CDH13: variants seen among roughly 807,000 people sequenced by gnomAD.
CDH13 encodes the protein cadherin-13.
CDH13 carries 24 observed loss-of-function variants against 63.8 expected under a neutral mutation model. The observed-to-expected ratio is 0.38, with a 90% CI of 0.27 to 0.53. The LOEUF is 0.53. Ranked by LOEUF, CDH13 falls within the 20% of genes least tolerant of loss-of-function variation. The pLI is 0.85. For missense variants in CDH13, 1,049 were observed against 903.1 expected (o/e 1.16, Z -2.07); for synonymous variants, 503 against 355.3 (o/e 1.42, Z -4.67).
intron 5 of CDH13, among the ~76,000 whole-genome samples, chr16:83,328,894 A>G (rs1157439257): frequency 1.3e-5 from 2 of 152,228 alleles, no homozygotes; most frequent in Admixed American, 6.5e-5. Context: ...ACTAGCAGGG[A>G]TAAAAGGAAG....
intron 1 of CDH13, among the ~76,000 whole-genome samples, chr16:82,842,320 C>A (rs771599844): frequency 9.9e-5 from 15 of 151,390 alleles, no homozygotes; most frequent in Non-Finnish European, 1.8e-4. Flanking sequence ...TGAGTAGTAA[C>A]CAGTAGCTGC....
chr16:83,027,754 C>T (rs1009970085), intron 2 of CDH13, among the ~76,000 whole-genome samples: 1 of 152,176 alleles, frequency 6.6e-6, no homozygotes, highest in African/African-American at 2.4e-5. Flanking sequence ...ATTCTAACTT[C>T]CTTCAATTCT....
chr16:83,012,871 A>G (rs74030356), intron 2 of CDH13, among the ~76,000 whole-genome samples: 4,738 of 152,328 alleles, frequency 0.031, 243 homozygotes, highest in African/African-American at 0.11. Context: ...AATGGAAAAT[A>G]TCTCCCAGCA....
intron 7 of CDH13, among the ~76,000 whole-genome samples, chr16:83,550,165 G>A (rs766880619): frequency 1.3e-5 from 2 of 152,230 alleles, no homozygotes; most frequent in Non-Finnish European, 2.9e-5. Context: ...CAACGTGGCT[G>A]TGTGCATTGG....
At chr16:83,657,934 C>G in intron 8 of CDH13, among the ~76,000 whole-genome samples, 1 of 148,902 alleles carries the variant, frequency 6.7e-6, no homozygotes, top group African/African-American at 2.6e-5. Context: ...CATGTCCCCA[C>G]CACCAGGTCC....
intron 2 of CDH13, among the ~76,000 whole-genome samples, chr16:82,975,041 C>G (rs548517441): frequency 3.9e-5 from 6 of 152,204 alleles, no homozygotes; most frequent in Non-Finnish European, 8.8e-5. Flanking sequence ...CTCACGTCTG[C>G]ACACCCTCGG....
chr16:83,416,963 T>G (rs1218634212), intron 6 of CDH13, among the ~76,000 whole-genome samples: 2 of 152,224 alleles, frequency 1.3e-5, no homozygotes, highest in Non-Finnish European at 2.9e-5. Context: ...TGTTTAGCTA[T>G]CAGCCATAAT....
chr16:82,723,350 G>T (rs1042877215), intron 1 of CDH13, among the ~76,000 whole-genome samples: 1 of 152,076 alleles, frequency 6.6e-6, no homozygotes, highest in Non-Finnish European at 1.5e-5. Context: ...GAACCTTTTT[G>T]TGGGGACTGG....
chr16:83,263,415 C>A (rs1323853499), intron 5 of CDH13, among the ~76,000 whole-genome samples: 1 of 152,066 alleles, frequency 6.6e-6, no homozygotes, highest in African/African-American at 2.4e-5. Context: ...AGGAAATATC[C>A]ATTTCCTCCT....
chr16:82,816,929 G>C (rs1341609705), intron 1 of CDH13, among the ~76,000 whole-genome samples: 1 of 151,904 alleles, frequency 6.6e-6, no homozygotes, highest in South Asian at 2.1e-4. Context: ...GGACATTCAG[G>C]AGCGGACAGA....
chr16:83,345,556 T>C (rs111981472), intron 6 of CDH13, among the ~76,000 whole-genome samples: 121 of 152,354 alleles, frequency 7.9e-4, no homozygotes, highest in African/African-American at 2.8e-3. Context: ...CCTACTGTTA[T>C]AGAAGTCACT....
intron 1 of CDH13, among the ~76,000 whole-genome samples, chr16:82,852,570 G>A (rs2039536476): frequency 6.6e-6 from 1 of 152,138 alleles, no homozygotes; most frequent in Non-Finnish European, 1.5e-5. Context: ...GTCTAAAATT[G>A]TAATGGAGCA....
intron 1 of CDH13, among the ~76,000 whole-genome samples, chr16:82,789,581 C>G (rs556337796): frequency 9.8e-4 from 150 of 152,286 alleles, no homozygotes; most frequent in African/African-American, 3.3e-3. Flanking sequence ...CTGGGCTGCA[C>G]AAGGATAGAA....
chr16:83,728,362 T>TG (rs10527403), intron 10 of CDH13, among the ~76,000 whole-genome samples: 2 of 147,666 alleles, frequency 1.4e-5, no homozygotes, highest in Admixed American at 6.8e-5. Flanking sequence ...TGTGTGTGTG[T>TG]TGTGAAGATA....
chr16:83,272,218 ATAAAAT>A (rs1361832506), intron 5 of CDH13, among the ~76,000 whole-genome samples: 5 of 152,216 alleles, frequency 3.3e-5, no homozygotes, highest in Admixed American at 6.5e-5. Flanking sequence ...GAGATGGATG[ATAAAAT>A]TAAAAATTGT....
At position 83,032,215 on chromosome 16, in the gene CDH13, G is replaced by A. The variant is rs748842714; in HGVS notation, c.363G>A (p.Leu121=). 1 of 1,612,708 alleles carries A rather than the reference G, an allele frequency of 6.2e-7. No individual in the cohort carries two copies. The highest frequency in any genetic ancestry group is 8.5e-7 in the Non-Finnish European group (1 of 1,178,994). The change falls in exon 3 of 14, where the codon TTG becomes TTA. Residue 121 remains leucine, a synonymous_variant. Coordinates refer to ENST00000567109, the MANE Select transcript of CDH13 (RefSeq NM_001257.5). ...GGGGGAAAGACATCCAGGGCTCCTTGCAGGTAACACATCTGTTTGAGATAA... is the reference window on the plus strand; with the variant it reads ...GGGGGAAAGACATCCAGGGCTCCTTACAGGTAACACATCTGTTTGAGATAA... ...IVGGKDIQGS[L]QDIFKFARTS...
At chr16:82,938,242 A>G (rs1221463012) in intron 2 of CDH13, among the ~76,000 whole-genome samples, 4 of 152,230 alleles carry the variant, frequency 2.6e-5, no homozygotes, top group Admixed American at 6.5e-5. Context: ...GCCTGGTTAC[A>G]TTGTATATCT....
At chr16:83,279,822 A>T (rs551105850) in intron 5 of CDH13, among the ~76,000 whole-genome samples, 13 of 148,814 alleles carry the variant, frequency 8.7e-5, no homozygotes, top group African/African-American at 3.3e-4. Context: ...AAGGAATATC[A>T]CAATGAAGTG....
chr16:82,750,585 T>A (rs1567497641), intron 1 of CDH13, among the ~76,000 whole-genome samples: 1 of 152,244 alleles, frequency 6.6e-6, no homozygotes, highest in African/African-American at 2.4e-5. Context: ...GAGCCCATTT[T>A]TGTTCACCAT....
Sources: allele counts gnomAD v4.1 joint callset (sites outside exome capture counted in the v4.1 genomes callset), GRCh38; gene constraint gnomAD v4.1.1; transcripts MANE v1.5; gene names NCBI Gene and HGNC (gene_info 2026-07-23, HGNC 2026-07-21).